The following MYLK variants were observed in gnomAD, a reference collection of about 807,000 sequenced individuals.
MYLK encodes the protein myosin light chain kinase, also known as myosin light chain kinase, smooth muscle.
In MYLK, 106 loss-of-function variants were observed where a neutral mutation model predicts 203.4. That is an observed-to-expected ratio of 0.52 (90% CI 0.45 to 0.61). MYLK has a LOEUF of 0.61. MYLK is among the 20% of genes least tolerant of loss of function. MYLK has a pLI of 0.00. For missense variants in MYLK, 2,072 were observed against 2,442.3 expected, an observed-to-expected ratio of 0.85 and a Z score of 3.20; for synonymous variants, 867 against 959.5, an observed-to-expected ratio of 0.90 and a Z score of 1.78.
intron 19 of MYLK, chr3:123,692,189 C>G (rs2060701717): frequency 2.0e-6 from 1 of 493,328 alleles, no homozygotes; most frequent in South Asian, 7.1e-5. Context: ...ATGTGTCCTC[C>G]CACCTCCCTC....
chr3:123,702,408 G>T (rs554688235), intron 16 of MYLK, among the ~76,000 whole-genome samples: 2 of 152,182 alleles, frequency 1.3e-5, no homozygotes, highest in Admixed American at 1.3e-4. Flanking sequence ...ACACCCACAC[G>T]CAGTTCTTTC....
intron 27 of MYLK, among the ~76,000 whole-genome samples, chr3:123,643,296 C>T (rs1358561885): frequency 6.6e-6 from 1 of 152,180 alleles, no homozygotes; most frequent in Non-Finnish European, 1.5e-5. Context: ...AGACAAGGTG[C>T]TCCAAAATGT....
chr3:123,874,016 G>A (rs1223850507), intron 2 of MYLK, among the ~76,000 whole-genome samples: 1 of 152,016 alleles, frequency 6.6e-6, no homozygotes, highest in Non-Finnish European at 1.5e-5. Context: ...CCTAAATGGA[G>A]AAATATAGTT....
Position 123,722,162 on chromosome 3 carries a change from C to T in MYLK, c.1770G>A (p.Gly590=). ...TGACCCAGGCGCTGCAGGACACCTG[C>T]CCCAAGGCATTCTCAGCTAGGCAGG... ...TYTCLAENAL[G]QVSCSAWVTV... Residue 590 remains glycine (G), a synonymous_variant, in exon 13 of 34, where the codon GGG becomes GGA. Coordinates refer to ENST00000360304, the MANE Select transcript of MYLK (RefSeq NM_053025.4). 3 of 1,565,218 alleles carry T rather than the reference C, an allele frequency of 1.9e-6. No individual in the cohort carries two copies. The highest frequency in any genetic ancestry group is 2.6e-6 in the Non-Finnish European group (3 of 1,154,620).
chr3:123,767,821 G>T (rs955160066), intron 4 of MYLK, among the ~76,000 whole-genome samples: 1 of 152,170 alleles, frequency 6.6e-6, no homozygotes, highest in Non-Finnish European at 1.5e-5. Context: ...CAGGGGAGTG[G>T]GCTGCTGAGA....
At chr3:123,732,497 T>C (rs887327166) in intron 11 of MYLK, among the ~76,000 whole-genome samples, 3 of 152,200 alleles carry the variant, frequency 2.0e-5, no homozygotes, top group Non-Finnish European at 4.4e-5. Context: ...ATTACTTTTA[T>C]AAACAGACAG....
chr3:123,818,998 A>G (rs891817106), intron 3 of MYLK, among the ~76,000 whole-genome samples: 2 of 152,184 alleles, frequency 1.3e-5, no homozygotes, highest in Non-Finnish European at 2.9e-5. Context: ...CGATAAAACA[A>G]CAACAGTACC....
chr3:123,856,759 C>G (rs2031413026), intron 2 of MYLK, among the ~76,000 whole-genome samples: 1 of 151,984 alleles, frequency 6.6e-6, no homozygotes, highest in Non-Finnish European at 1.5e-5. Context: ...GACACCTGAT[C>G]TTTGGTATAA....
At position 123,787,747 on chromosome 3, in the gene MYLK, A is replaced by G. The variant is rs1199761102; in HGVS notation, c.165+5930T>C. On this transcript the variant is annotated intron_variant, in intron 4 of 33. Transcript: ENST00000360304. Reference sequence around the variant, plus strand: ...AAAGCTGCCTTGCCAGGAGGATAAAATGATTAAGATTGTAAGCCTAGCACC... The same window carrying G: ...AAAGCTGCCTTGCCAGGAGGATAAAGTGATTAAGATTGTAAGCCTAGCACC... 2.0e-5 allele frequency among the ~76,000 whole-genome samples: 3 copies of G among 152,318 alleles called. No homozygotes were observed. In the East Asian group the frequency reaches 5.8e-4, roughly 29 times the overall value.
chr3:123,858,278 G>A (rs2031589713), intron 2 of MYLK, among the ~76,000 whole-genome samples: 1 of 152,168 alleles, frequency 6.6e-6, no homozygotes, highest in Non-Finnish European at 1.5e-5. Context: ...AGGTCTCAAA[G>A]TACTAAGGAA....
At position 123,799,166 on chromosome 3, in the gene MYLK, T is replaced by TC. The variant is rs34389667; in HGVS notation, c.-3-5323dup. 2.0e-5 allele frequency among the ~76,000 whole-genome samples: 3 copies of TC among 150,830 alleles called. 1 individual carries two copies. The highest frequency in any genetic ancestry group is 3.0e-5 in the Non-Finnish European group (2 of 67,692). ...GAGCAGTGGTTCAAGAGCTGGAAAC[T>TC]CCCCCTTACCCCCCTTACCCCTCAC... is the stretch of plus-strand genomic sequence containing the variant. On this transcript the variant is annotated intron_variant, in intron 3 of 33. Transcript: ENST00000360304.
At chr3:123,689,953 T>G (rs1224684130) in intron 19 of MYLK, among the ~76,000 whole-genome samples, 1 of 152,252 alleles carries the variant, frequency 6.6e-6, no homozygotes, top group Non-Finnish European at 1.5e-5. Context: ...ATCAGTAGTG[T>G]GGGTAATGCT....
chr3:123,793,689 C>G lies in MYLK; in HGVS notation c.153G>C (p.Lys51Asn). The G allele has an allele frequency of 6.2e-7, 1 of 1,614,192 alleles. No homozygotes were observed. Among genetic ancestry groups the G allele is most frequent in the South Asian group, 1.1e-5 (1 of 91,084 alleles). ...NLCIKEGATA[K>N]FEGRVRGYPE... ...CCACACTTCTTACCCGCCCTTCGAA[C>G]TTGGCGGTGGCTCCTTCTTTGATGC... is the stretch of plus-strand genomic sequence containing the variant. Residue 51 changes from lysine to asparagine, a missense_variant, in exon 4 of 34, where the codon AAG becomes AAC. Lys to Asn is a moderately conservative substitution (Grantham distance 94). This residue lies in a region of MYLK where 683 missense variants were observed against 643.8 expected (regional missense o/e 1.06). Transcript: ENST00000360304.
At chr3:123,763,378 C>T (rs1246626175) in intron 4 of MYLK, among the ~76,000 whole-genome samples, 1 of 152,148 alleles carries the variant, frequency 6.6e-6, no homozygotes, top group Non-Finnish European at 1.5e-5. Flanking sequence ...CTGGGACATT[C>T]CCTCACCATC....
chr3:123,697,644 T>C (rs1363328759), intron 18 of MYLK, among the ~76,000 whole-genome samples: 1 of 152,208 alleles, frequency 6.6e-6, no homozygotes, highest in Non-Finnish European at 1.5e-5. Flanking sequence ...AGGTGGACAG[T>C]ACAGTCATTG....
chr3:123,650,781 C>T (rs2059185675), intron 24 of MYLK, among the ~76,000 whole-genome samples: 1 of 152,078 alleles, frequency 6.6e-6, no homozygotes, highest in Non-Finnish European at 1.5e-5. Flanking sequence ...GAAAGGATGA[C>T]CTGAGAGCAA....
Position 123,620,506 on chromosome 3 carries a change from C to T in MYLK, c.5239-170G>A. 4 of 1,505,440 alleles carry T rather than the reference C, an allele frequency of 2.7e-6. No individual in the cohort carries two copies. The Admixed American group carries it at 6.1e-5, about 23-fold the overall frequency. 93.3% of individuals were successfully genotyped at this position (1,505,440 alleles called of 1,614,324 possible). A position where few individuals can be genotyped will look rare whatever the true frequency, so the allele number is the denominator to read the frequency against. ...GAGGAGCGAACCCAACCTTGCTCTG[C>T]TCAGCACTGTCAGTGTGTCAGAAGA... On this transcript the variant is annotated intron_variant, in intron 31 of 33. Coordinates refer to ENST00000360304, the MANE Select transcript of MYLK (RefSeq NM_053025.4).
At position 123,700,359 on chromosome 3, in the gene MYLK, G is replaced by C. The variant is rs1156763957; in HGVS notation, c.3109C>G (p.Pro1037Ala). 2 of 1,613,598 alleles carry C rather than the reference G, an allele frequency of 1.2e-6. No homozygotes were observed. Among genetic ancestry groups the C allele is most frequent in the Admixed American group, 1.7e-5 (1 of 59,990 alleles). The change falls in exon 18 of 34, where the codon CCA becomes GCA. Residue 1037 changes from proline to alanine, a missense_variant. By Grantham distance (27) the Pro-to-Ala change is conservative. Coordinates refer to ENST00000360304, the MANE Select transcript of MYLK (RefSeq NM_053025.4). The part of the protein sequence containing the change: ...GNAKPAETLK[P>A]MGNAKPAETL... ...TCGGCAGGCTTGGCGTTGCCCATTG[G>C]CTTCAGGGTCTCAGCAGGCTTGGCG...
intron 27 of MYLK, among the ~76,000 whole-genome samples, chr3:123,645,073 G>GA (rs1576415868): frequency 6.6e-6 from 1 of 152,004 alleles, no homozygotes; most frequent in Non-Finnish European, 1.5e-5. Flanking sequence ...TTTTTAAGTG[G>GA]AAAAAAACCA....
Sources: allele counts gnomAD v4.1 joint callset (sites outside exome capture counted in the v4.1 genomes callset), GRCh38; gene constraint gnomAD v4.1.1; regional missense constraint gnomAD v4.1.1; transcripts MANE v1.5; gene names NCBI Gene and HGNC (gene_info 2026-07-23, HGNC 2026-07-21).